LGALS9B: variants seen among roughly 807,000 people sequenced by gnomAD.
LGALS9B encodes the protein galectin 9B.
Under a neutral mutation model 35.9 loss-of-function variants are expected in LGALS9B, and 8 were observed. The observed-to-expected ratio is 0.22, with a 90% confidence interval of 0.13 to 0.40. The LOEUF (loss-of-function observed/expected upper bound fraction) is 0.40, where lower values mean the gene tolerates loss of function less well. Among genes scored for constraint, LGALS9B ranks in the 10% least tolerant of loss-of-function variants. LGALS9B has a pLI of 1.00. For missense variants in LGALS9B, 101 were observed against 397.9 expected (o/e 0.25, Z 6.35); for synonymous variants, 42 against 148.6 (o/e 0.28, Z 5.22).
intron 1 of LGALS9B, among the ~76,000 whole-genome samples, chr17:20,464,507 G>A (rs202171875): frequency 3.3e-5 from 5 of 152,090 alleles, no homozygotes; most frequent in African/African-American, 9.7e-5. Flanking sequence ...TGGAGCCTCC[G>A]GAAGGAAACA....
At chr17:20,451,939 G>A (rs2042652861) in intron 8 of LGALS9B, 56 bp from the exon 9 acceptor site, 1 of 1,358,514 alleles carries the variant, frequency 7.4e-7, no homozygotes, top group Admixed American at 1.9e-5. Flanking sequence ...CCGCCACATG[G>A]AAGGGGAAGA....
chr17:20,465,829 C>T (rs1260967373), intron 1 of LGALS9B, among the ~76,000 whole-genome samples: 1 of 148,578 alleles, frequency 6.7e-6, no homozygotes, highest in African/African-American at 2.5e-5. Context: ...GTGGAGAAAG[C>T]GTGGCTCCGA....
At position 20,460,279 on chromosome 17, in the gene LGALS9B, C is replaced by T. The variant is rs147047589; in HGVS notation, c.131+73G>A. 643 of 1,609,644 alleles carry T rather than the reference C, an allele frequency of 4.0e-4. 2 individuals carry two copies. In the African/African-American group the frequency reaches 7.8e-3, roughly 19 times the overall value. ...CTTGGATGTTGTTGTTTGAACTAAC[C>T]GAGGCTCACAGGCACAGTGGCTTTA... On this transcript the variant is annotated intron_variant, in intron 2 of 10. Transcript: ENST00000423676.
chr17:20,451,434 C>CCA, intron 10 of LGALS9B, 47 bp downstream of exon 10: 1 of 1,362,162 alleles, frequency 7.3e-7, no homozygotes, highest in Non-Finnish European at 9.8e-7. Flanking sequence ...ACCCCCTCCC[C>CCA]GTGTACCCAT....
Position 20,456,608 on chromosome 17 carries a change from T to C in LGALS9B, c.397A>G (p.Thr133Ala). The C allele has an allele frequency of 4.2e-6, 3 of 715,234 alleles. No individual in the cohort carries two copies. Among genetic ancestry groups the C allele is most frequent in the Non-Finnish European group, 5.5e-6 (3 of 547,760 alleles). 44.3% of individuals were successfully genotyped at this position (715,234 alleles called of 1,614,324 possible). A position where few individuals can be genotyped will look rare whatever the true frequency, so the allele number is the denominator to read the frequency against. The change falls in exon 4 of 11, where the codon ACC becomes GCC. Residue 133 changes from threonine (T) to alanine (A), a missense_variant. Transcript: ENST00000423676. ...TGCACAGAGCCATTGACGGAGATGG[T>C]GTCCACACGGTGGAAGGGCACGCGG... The part of the protein sequence containing the change: ...FHRVPFHRVD[T>A]ISVNGSVQLS...
chr17:20,452,010 T>A (rs1400132582), intron 8 of LGALS9B, 127 bp from the exon 9 acceptor site: 1 of 1,410,032 alleles, frequency 7.1e-7, no homozygotes, highest in Non-Finnish European at 9.8e-7. Flanking sequence ...TATCTTTACT[T>A]GGTTCCATAA....
intron 5 of LGALS9B, among the ~76,000 whole-genome samples, chr17:20,454,491 C>T (rs550224807): frequency 7.9e-5 from 12 of 152,196 alleles, no homozygotes; most frequent in African/African-American, 2.2e-4. Flanking sequence ...TGCAAATGAA[C>T]GACCCACAGT....
intron 1 of LGALS9B, 86 bp downstream of exon 1, chr17:20,467,346 C>T: frequency 1.5e-6 from 2 of 1,303,166 alleles, no homozygotes; most frequent in Non-Finnish European, 2.1e-6. Flanking sequence ...CCCCTGTCTC[C>T]TGCCACCCAG....
chr17:20,461,009 C>T lies in LGALS9B; in HGVS notation c.40-566G>A, dbSNP rs1304547742. 7.5e-5 allele frequency among the ~76,000 whole-genome samples: 4 copies of T among 53,068 alleles called. 1 individual carries two copies. Among genetic ancestry groups the T allele is most frequent in the African/African-American group, 2.5e-4 (4 of 15,882 alleles). 34.8% of individuals were successfully genotyped at this position (53,068 alleles called of 152,430 possible). The stretch of plus-strand genomic sequence containing the variant: ...CACCACCACCATATAACAATGGCCA[C>T]CATGACCTTTGCCCTCCTGACCACC... On this transcript the variant is annotated intron_variant, in intron 1 of 10. Transcript: ENST00000423676.
intron 8 of LGALS9B, chr17:20,452,110 A>AG: frequency 4.1e-6 from 2 of 486,652 alleles, no homozygotes; most frequent in Non-Finnish European, 7.7e-6. Flanking sequence ...AGAAAGAAAG[A>AG]CTCGTGGGGT....
chr17:20,460,317 G>A lies in LGALS9B; in HGVS notation c.131+35C>T, dbSNP rs1282289700. On this transcript the variant is annotated intron_variant, in intron 2 of 10. Transcript: ENST00000423676. Reference sequence around the variant, plus strand: ...CACAGTGGCTTTACTAAGGGACGAGGCTGGAGTGAAACGTTTCCATCCATA... The same window carrying A: ...CACAGTGGCTTTACTAAGGGACGAGACTGGAGTGAAACGTTTCCATCCATA... 3 of 1,609,888 alleles carry A rather than the reference G, an allele frequency of 1.9e-6. No individual in the cohort carries two copies. The South Asian group carries it at 3.3e-5, about 18-fold the overall frequency.
intron 1 of LGALS9B, among the ~76,000 whole-genome samples, chr17:20,466,316 T>C (rs1403122736): frequency 6.6e-6 from 1 of 151,608 alleles, no homozygotes; most frequent in African/African-American, 2.4e-5. Flanking sequence ...AAAGCAGAGC[T>C]GAGCTCTGCA....
chr17:20,461,322 T>A (rs984793212), intron 1 of LGALS9B, among the ~76,000 whole-genome samples: 10 of 150,496 alleles, frequency 6.6e-5, no homozygotes, highest in African/African-American at 2.4e-4. Context: ...TCCTACTGCA[T>A]ATGATTGATG....
intron 5 of LGALS9B, among the ~76,000 whole-genome samples, chr17:20,454,987 A>G: frequency 8.0e-6 from 1 of 125,322 alleles, no homozygotes; most frequent in Non-Finnish European, 1.9e-5. Context: ...TCACTGTGGC[A>G]GCGGTTGGGT....
chr17:20,465,410 C>G (rs1312650807), intron 1 of LGALS9B, among the ~76,000 whole-genome samples: 16 of 50,800 alleles, frequency 3.1e-4, no homozygotes, highest in African/African-American at 1.1e-3. Context: ...GCATTTGGAT[C>G]CATGTGTGTC....
rs376587859 is a variant in LGALS9B, at chr17:20,461,836, G to A, written c.40-1393C>T. Among the ~76,000 whole-genome samples, 283 of 60,704 alleles carry A rather than the reference G, an allele frequency of 4.7e-3. 3 individuals are homozygous for A. Among genetic ancestry groups the A allele is most frequent in the South Asian group, 0.025 (38 of 1,546 alleles). 39.8% of individuals were successfully genotyped at this position (60,704 alleles called of 152,430 possible). A position where few individuals can be genotyped will look rare whatever the true frequency, so the allele number is the denominator to read the frequency against. On this transcript the variant is annotated intron_variant, in intron 1 of 10. Coordinates refer to ENST00000423676, the MANE Select transcript of LGALS9B (RefSeq NM_001367292.2). ...TTGTAAAACTTTCTAATTTCTTGGG[G>A]GAAATCTTTTGTCAAAAAGGATTAT...
At chr17:20,464,531 G>A (rs142037103) in intron 1 of LGALS9B, among the ~76,000 whole-genome samples, 1 of 152,244 alleles carries the variant, frequency 6.6e-6, no homozygotes, top group African/African-American at 2.4e-5. Flanking sequence ...TTGCTCACAC[G>A]ATGATTTTAA....
chr17:20,456,281 G>C (rs1181559498), intron 4 of LGALS9B, among the ~76,000 whole-genome samples: 1,480 of 140,988 alleles, frequency 0.01, 4 homozygotes, highest in Non-Finnish European at 0.016. Context: ...TCTTGAGCCT[G>C]GGCTCTTTCT....
Position 20,460,359 on chromosome 17 carries a change from C to T in LGALS9B, c.124G>A (p.Gly42Arg), listed in dbSNP as rs1417814709. The change falls in exon 2 of 11, where the codon GGA becomes AGA. Residue 42 changes from glycine to arginine, a missense_variant. By Grantham distance (125) the Gly-to-Arg change is moderately radical. Coordinates refer to ENST00000423676, the MANE Select transcript of LGALS9B (RefSeq NM_001367292.2). ...CCATCCATATACACACACCTGGTTC[C>T]ACTGGAGCTGAGAACGGCCCCATTG... ...TVNGAVLSSS[G>R]TRFAVDFQTG... The T allele has an allele frequency of 6.2e-7, 1 of 1,602,034 alleles. No homozygotes were observed. Among genetic ancestry groups the T allele is most frequent in the South Asian group, 1.1e-5 (1 of 91,026 alleles).
Sources: gnomAD v4.1 joint callset for allele counts (sites outside exome capture counted in the v4.1 genomes callset) on GRCh38, gnomAD v4.1.1 for gene constraint, MANE v1.5 for transcripts, NCBI Gene and HGNC (gene_info 2026-07-23, HGNC 2026-07-21) for gene names.